The following PPP4R3A variants were observed in gnomAD, a reference collection of about 807,000 sequenced individuals.
PPP4R3A encodes protein phosphatase 4 regulatory subunit 3A, also known as serine/threonine-protein phosphatase 4 regulatory subunit 3A.
PPP4R3A carries 15 observed loss-of-function variants against 91.7 expected under a neutral mutation model. That is an observed-to-expected ratio of 0.16 (90% CI 0.11 to 0.25). The LOEUF (loss-of-function observed/expected upper bound fraction) is 0.25. Among genes scored for constraint, PPP4R3A ranks in the 10% least tolerant of loss-of-function variants. The pLI, the probability that PPP4R3A is intolerant of heterozygous loss-of-function variation, is 1.00. For synonymous variants in PPP4R3A, 377 were observed against 348.7 expected (o/e 1.08, Z -0.91); for missense variants, 623 against 998.4 (o/e 0.62, Z 5.07).
At chr14:91,480,694 T>G (rs752595115) in intron 4 of PPP4R3A, among the ~76,000 whole-genome samples, 28 of 152,122 alleles carry the variant, frequency 1.8e-4, no homozygotes, top group Admixed American at 2.6e-4. Context: ...TATGCAAAAT[T>G]CATAGAGTAA....
intron 1 of PPP4R3A, among the ~76,000 whole-genome samples, chr14:91,495,935 ACAC>A (rs1890538668): frequency 3.2e-4 from 1 of 3,104 alleles, no homozygotes; most frequent in Non-Finnish European, 4.8e-4. Flanking sequence ...ACAAAACAAA[ACAC>A]ACACACACAC....
intron 1 of PPP4R3A, among the ~76,000 whole-genome samples, chr14:91,501,791 G>A (rs946740778): frequency 2.0e-5 from 3 of 148,606 alleles, no homozygotes; most frequent in Non-Finnish European, 3.0e-5. Flanking sequence ...TGCAAGCTCC[G>A]CCTCCCAGGT....
chr14:91,481,565 A>C lies in PPP4R3A; in HGVS notation c.915+11T>G, dbSNP rs1264912693. ...CTCTTGAAATATGAAAAAAGGAATG[A>C]TCTAACTCACCTGCAACATGCCAAC... On this transcript the variant is annotated intron_variant, in intron 4 of 14. Coordinates refer to ENST00000554943, the MANE Select transcript of PPP4R3A (RefSeq NM_001366432.2). 2.0e-6 allele frequency: 3 copies of C among 1,532,690 alleles called. No homozygotes were observed. In the African/African-American group the frequency reaches 4.2e-5, roughly 21 times the overall value. 94.9% of individuals were successfully genotyped at this position (1,532,690 alleles called of 1,614,324 possible). A position where few individuals can be genotyped will look rare whatever the true frequency, so the allele number is the denominator to read the frequency against.
chr14:91,481,699 T>C lies in PPP4R3A; in HGVS notation c.792A>G (p.Thr264=), dbSNP rs17127374. ...DPELKQKIHQ[T]YRVQYIQDMV... ...TATCTTGTATATACTGAACTCTGTA[T>C]GTCTGATGAATTTTTTGTTTCAGCT... The change falls in exon 4 of 15, where the codon ACA becomes ACG. Residue 264 remains threonine, a synonymous_variant. Transcript: ENST00000554943. 0.086 allele frequency: 139,588 copies of C among 1,614,000 alleles called. 6,602 individuals are homozygous for C. The highest frequency in any genetic ancestry group is 0.14 in the Middle Eastern group (832 of 6,060).
At position 91,465,283 on chromosome 14, in the gene PPP4R3A, A is replaced by G. The variant is rs755200090; in HGVS notation, c.1797T>C (p.Ser599=). ...TAAATTCAAACATCTCTATTATGGCAGAGTTCATCAGATTGTAGCGGGATC... is the reference window on the plus strand; with the variant it reads ...TAAATTCAAACATCTCTATTATGGCGGAGTTCATCAGATTGTAGCGGGATC... ...NNGSRYNLMN[S]AIIEMFEFIR... Residue 599 remains serine, a synonymous_variant, in exon 11 of 15, where the codon TCT becomes TCC. Coordinates refer to ENST00000554943, the MANE Select transcript of PPP4R3A (RefSeq NM_001366432.2). The G allele has an allele frequency of 1.9e-6, 3 of 1,588,098 alleles. No homozygotes were observed. In the East Asian group the frequency reaches 6.8e-5, roughly 36 times the overall value.
intron 3 of PPP4R3A, among the ~76,000 whole-genome samples, chr14:91,482,569 G>C (rs1032720005): frequency 1.3e-5 from 2 of 152,094 alleles, no homozygotes; most frequent in African/African-American, 4.8e-5. Flanking sequence ...GCAGACCAAG[G>C]CAAGTCTCAG....
At chr14:91,474,262 A>C (rs975988580) in intron 7 of PPP4R3A, among the ~76,000 whole-genome samples, 1 of 152,242 alleles carries the variant, frequency 6.6e-6, no homozygotes, top group Non-Finnish European at 1.5e-5. Context: ...TCTAAATATC[A>C]AAGAAAAGAG....
intron 1 of PPP4R3A, among the ~76,000 whole-genome samples, chr14:91,499,306 A>C (rs1286011516): frequency 6.6e-6 from 1 of 152,036 alleles, no homozygotes; most frequent in Non-Finnish European, 1.5e-5. Context: ...CAAAACAAAA[A>C]AAAGTCTAAA....
chr14:91,490,218 TA>T (rs548508140), intron 2 of PPP4R3A, among the ~76,000 whole-genome samples: 182 of 152,366 alleles, frequency 1.2e-3, no homozygotes, highest in African/African-American at 3.3e-3. Flanking sequence ...TACTTTCTAA[TA>T]TTTTTTTGCA....
intron 1 of PPP4R3A, among the ~76,000 whole-genome samples, chr14:91,508,729 T>C (rs897711755): frequency 2.6e-5 from 4 of 152,238 alleles, no homozygotes; most frequent in Admixed American, 2.0e-4. Flanking sequence ...TCAAAATTTG[T>C]GAAGCATAAA....
intron 1 of PPP4R3A, among the ~76,000 whole-genome samples, chr14:91,507,326 A>C: frequency 7.0e-6 from 1 of 142,492 alleles, no homozygotes; most frequent in East Asian, 2.0e-4. Flanking sequence ...AATCTCAAAA[A>C]AAAAATCTAT....
At chr14:91,507,716 T>C (rs184497040) in intron 1 of PPP4R3A, among the ~76,000 whole-genome samples, 109 of 113,332 alleles carry the variant, frequency 9.6e-4, no homozygotes, top group Middle Eastern at 4.2e-3. Flanking sequence ...ATTAAACTTT[T>C]ATACTTAAAA....
chr14:91,459,941 C>T (rs1888021153), intron 14 of PPP4R3A, among the ~76,000 whole-genome samples: 1 of 152,084 alleles, frequency 6.6e-6, no homozygotes, highest in African/African-American at 2.4e-5. Flanking sequence ...AGCAGTTCTA[C>T]CCTGACTCTT....
At chr14:91,478,734 ACTTTTC>A (rs71120147) in intron 4 of PPP4R3A, among the ~76,000 whole-genome samples, 37,516 of 151,918 alleles carry the variant, frequency 0.25, 5,477 homozygotes, top group Non-Finnish European at 0.35. Flanking sequence ...TTTAGTTCAT[ACTTTTC>A]CTTTTTTTGC....
Position 91,461,397 on chromosome 14 carries a change from G to A in PPP4R3A, c.2375C>T (p.Ala792Val), listed in dbSNP as rs778869091. ...GSVPKNTSQT[A>V]AITTKGGLVG... ...AGAATGTACCTTTGTAGTAATAGCTGCCGTCTGAGATGTATTTTTAGGTAC... is the reference window on the plus strand; with the variant it reads ...AGAATGTACCTTTGTAGTAATAGCTACCGTCTGAGATGTATTTTTAGGTAC... Residue 792 changes from alanine to valine, a missense_variant, in exon 14 of 15, where the codon GCA becomes GTA. By Grantham distance (64) the Ala-to-Val change is moderately conservative (BLOSUM62 0). Around this residue, in one of 5 missense-constraint regions of PPP4R3A, gnomAD observed 201 missense variants for 229.9 expected, o/e 0.87. Coordinates refer to ENST00000554943, the MANE Select transcript of PPP4R3A (RefSeq NM_001366432.2). 6.2e-7 allele frequency: 1 copy of A among 1,607,408 alleles called. No individual in the cohort carries two copies. The highest frequency in any genetic ancestry group is 8.5e-7 in the Non-Finnish European group (1 of 1,174,274).
At chr14:91,473,526 C>A (rs1888977904) in intron 7 of PPP4R3A, among the ~76,000 whole-genome samples, 156 bp from the exon 8 acceptor site, 1 of 152,344 alleles carries the variant, frequency 6.6e-6, no homozygotes, top group Non-Finnish European at 1.5e-5. Context: ...GGACATATGA[C>A]AGTGTTTCAT....
In PPP4R3A at chr14:91,458,825, ATCT is replaced by A. The variant is rs1887934802; in HGVS notation, c.2433_2435del (p.Glu811del). ...CTTCCTTATCTTCATCCTCATCATC[ATCT>A]TCATCATCATCAGGATAATCTACCA... On this transcript the variant is annotated inframe_deletion, in exon 15 of 15. Transcript: ENST00000554943. 6.8e-6 allele frequency: 11 copies of A among 1,613,696 alleles called. No individual in the cohort carries two copies. Among genetic ancestry groups the A allele is most frequent in the Non-Finnish European group, 9.3e-6 (11 of 1,179,774 alleles).
intron 4 of PPP4R3A, among the ~76,000 whole-genome samples, chr14:91,480,053 T>C (rs781578859): frequency 6.6e-6 from 1 of 152,150 alleles, no homozygotes; most frequent in Admixed American, 6.6e-5. Flanking sequence ...CTCAGAGACT[T>C]TGACTCAGGT....
chr14:91,465,167 C>A, intron 11 of PPP4R3A, 83 bp downstream of exon 11: 1 of 1,067,344 alleles, frequency 9.4e-7, no homozygotes, highest in Non-Finnish European at 1.3e-6. Context: ...ATATTATCAT[C>A]TCAAGCCAAA....
Sources: gnomAD v4.1 joint callset for allele counts (sites outside exome capture counted in the v4.1 genomes callset) on GRCh38, gnomAD v4.1.1 for gene constraint, gnomAD v4.1.1 regional missense constraint, MANE v1.5 for transcripts, NCBI Gene and HGNC (gene_info 2026-07-23, HGNC 2026-07-21) for gene names.